ARHGAP26: variants seen among roughly 807,000 people sequenced by gnomAD.
ARHGAP26 encodes Rho GTPase activating protein 26, also known as rho GTPase-activating protein 26.
Under a neutral mutation model 104.8 loss-of-function variants are expected in ARHGAP26, and 38 were observed. The ratio of observed to expected loss-of-function variants is 0.36; its 90% CI spans 0.28 to 0.48. ARHGAP26 has a LOEUF of 0.48. ARHGAP26 is among the 20% of genes least tolerant of loss of function. The pLI, the probability that ARHGAP26 is intolerant of heterozygous loss-of-function variation, is 0.99. For missense variants in ARHGAP26, 704 were observed against 947.9 expected, an observed-to-expected ratio of 0.74 and a Z score of 3.38; for synonymous variants, 341 against 340.0, an observed-to-expected ratio of 1.00 and a Z score of -0.03.
intron 1 of ARHGAP26, among the ~76,000 whole-genome samples, chr5:142,859,272 G>A (rs1752913421): frequency 6.6e-6 from 1 of 152,200 alleles, no homozygotes; most frequent in South Asian, 2.1e-4. Flanking sequence ...CAGGGTACCA[G>A]TTGGAGGAGA....
intron 20 of ARHGAP26, among the ~76,000 whole-genome samples, chr5:143,163,514 G>A (rs1025142701): frequency 7.7e-5 from 11 of 143,326 alleles, no homozygotes; most frequent in African/African-American, 5.0e-5. Context: ...GCAATGGTGC[G>A]ATCTTGGCTC....
At chr5:143,105,698 G>A (rs78466069) in intron 17 of ARHGAP26, among the ~76,000 whole-genome samples, 1 of 152,156 alleles carries the variant, frequency 6.6e-6, no homozygotes, top group Admixed American at 6.5e-5. Context: ...CTGTCTGCAT[G>A]TCTGAAAATG....
At position 142,949,216 on chromosome 5, in the gene ARHGAP26, AGAGAGGAGAGAGAGAGGAGAGAGAG is replaced by A. The variant is rs1399115913; in HGVS notation, c.1107+17092_1107+17116del. Among the ~76,000 whole-genome samples the A allele has an allele frequency of 1.5e-3, 105 of 72,026 alleles. 4 individuals carry two copies. The Middle Eastern group carries it at 0.018, about 12-fold the overall frequency. 47.3% of individuals were successfully genotyped at this position (72,026 alleles called of 152,430 possible). A position where few individuals can be genotyped will look rare whatever the true frequency, so the allele number is the denominator to read the frequency against. ...GAGAGAGAGAGAGAGAGAGAGAGAGAGAGAGGAGAGAGAGAGGAGAGAGAGAGAGAGAGAGAGAGAGTTGAGAATA... is the reference window on the plus strand; with the variant it reads ...GAGAGAGAGAGAGAGAGAGAGAGAGAAGAGAGAGAGAGAGAGTTGAGAATA... On this transcript the variant is annotated intron_variant, in intron 11 of 22. Coordinates refer to ENST00000645722, the MANE Select transcript of ARHGAP26 (RefSeq NM_001135608.3).
At chr5:143,049,226 T>G (rs1391682186) in intron 14 of ARHGAP26, among the ~76,000 whole-genome samples, 2 of 152,206 alleles carry the variant, frequency 1.3e-5, no homozygotes, top group Non-Finnish European at 2.9e-5. Context: ...TTTTCACCTT[T>G]TTAATGCTTA....
chr5:142,920,468 G>T (rs1437418133), intron 10 of ARHGAP26, among the ~76,000 whole-genome samples: 1 of 152,126 alleles, frequency 6.6e-6, no homozygotes, highest in African/African-American at 2.4e-5. Flanking sequence ...TTTCCAGGAG[G>T]GCCTAGTAAA....
chr5:143,143,087 T>C (rs988274043), intron 19 of ARHGAP26, among the ~76,000 whole-genome samples: 1 of 152,210 alleles, frequency 6.6e-6, no homozygotes, highest in Non-Finnish European at 1.5e-5. Flanking sequence ...TCTTGCCTCT[T>C]CTTTTTGCCC....
At chr5:143,128,711 A>G (rs564132510) in intron 18 of ARHGAP26, among the ~76,000 whole-genome samples, 1 of 152,184 alleles carries the variant, frequency 6.6e-6, no homozygotes. Flanking sequence ...TTGTAGGTCT[A>G]CTTTCCTAAT....
intron 11 of ARHGAP26, among the ~76,000 whole-genome samples, chr5:142,932,360 C>T (rs1764849143): frequency 6.6e-6 from 1 of 152,226 alleles, no homozygotes; most frequent in Non-Finnish European, 1.5e-5. Context: ...CATAGAATTA[C>T]ACCAGAACTC....
chr5:143,045,489 T>G (rs762735744), intron 14 of ARHGAP26, among the ~76,000 whole-genome samples: 7 of 152,252 alleles, frequency 4.6e-5, no homozygotes, highest in Non-Finnish European at 1.0e-4. Flanking sequence ...TCATCAATTC[T>G]TGGTACTGGT....
At chr5:142,912,454 G>A (rs1761956009) in intron 9 of ARHGAP26, among the ~76,000 whole-genome samples, 2 of 152,224 alleles carry the variant, frequency 1.3e-5, no homozygotes, top group African/African-American at 2.4e-5. Flanking sequence ...AACTTTTGGG[G>A]ATGATGGAAT....
At chr5:143,139,612 C>T (rs1472162547) in intron 19 of ARHGAP26, among the ~76,000 whole-genome samples, 1 of 152,166 alleles carries the variant, frequency 6.6e-6, no homozygotes, top group Non-Finnish European at 1.5e-5. Flanking sequence ...ACAGTCTCCC[C>T]TCCAAATCTA....
chr5:143,025,442 T>G (rs1385675370), intron 12 of ARHGAP26, among the ~76,000 whole-genome samples: 2 of 152,198 alleles, frequency 1.3e-5, no homozygotes, highest in Non-Finnish European at 2.9e-5. Context: ...CAGTTGGTTC[T>G]CTGTTTGAAA....
intron 17 of ARHGAP26, among the ~76,000 whole-genome samples, chr5:143,070,676 G>T (rs192223073): frequency 6.6e-6 from 1 of 152,318 alleles, no homozygotes; most frequent in South Asian, 2.1e-4. Context: ...TTGGGAGGCC[G>T]AGATGGATGG....
chr5:143,151,474 T>C (rs1799832527), intron 20 of ARHGAP26, among the ~76,000 whole-genome samples: 1 of 152,218 alleles, frequency 6.6e-6, no homozygotes, highest in Admixed American at 6.5e-5. Flanking sequence ...TGCACATGGA[T>C]TTTGTTAGAA....
intron 11 of ARHGAP26, among the ~76,000 whole-genome samples, chr5:142,962,665 A>G (rs1280196044): frequency 6.6e-6 from 1 of 152,156 alleles, no homozygotes; most frequent in Non-Finnish European, 1.5e-5. Flanking sequence ...CTATCTATGT[A>G]CAAAGCTTTG....
At chr5:142,852,728 C>CAA (rs1751731827) in intron 1 of ARHGAP26, among the ~76,000 whole-genome samples, 1 of 152,140 alleles carries the variant, frequency 6.6e-6, no homozygotes, top group Non-Finnish European at 1.5e-5. Flanking sequence ...CAGAGGAGGT[C>CAA]TGTGTTTCCC....
At chr5:142,984,943 A>G (rs10054462) in intron 11 of ARHGAP26, among the ~76,000 whole-genome samples, 16,559 of 152,000 alleles carry the variant, frequency 0.11, 1,690 homozygotes, top group African/African-American at 0.26. Flanking sequence ...GCGGTCAGAC[A>G]GCCTTAAACA....
intron 1 of ARHGAP26, among the ~76,000 whole-genome samples, chr5:142,846,552 G>C (rs1771990127): frequency 6.6e-6 from 1 of 152,150 alleles, no homozygotes; most frequent in African/African-American, 2.4e-5. Flanking sequence ...CTGCAGAACT[G>C]GGCCTGCTGC....
At chr5:143,102,248 G>A (rs537457503) in intron 17 of ARHGAP26, among the ~76,000 whole-genome samples, 2 of 152,172 alleles carry the variant, frequency 1.3e-5, no homozygotes, top group South Asian at 4.1e-4. Context: ...TTCACTTCCT[G>A]CCTTCCAGGC....
Sources: allele counts gnomAD v4.1 joint callset (sites outside exome capture counted in the v4.1 genomes callset), GRCh38; gene constraint gnomAD v4.1.1; transcripts MANE v1.5; gene names NCBI Gene and HGNC (gene_info 2026-07-23, HGNC 2026-07-21).